ROR1: variants seen among roughly 807,000 people sequenced by gnomAD.
ROR1 encodes inactive tyrosine-protein kinase transmembrane receptor ROR1.
ROR1 carries 19 observed loss-of-function variants against 78.8 expected under a neutral mutation model. The observed-to-expected ratio is 0.24, with a 90% CI of 0.17 to 0.35. The LOEUF is 0.35. ROR1 is among the 10% of genes least tolerant of loss of function. The pLI is 1.00. For synonymous variants in ROR1, 386 were observed against 433.6 expected (o/e 0.89, Z 1.36); for missense variants, 917 against 1,177.8 (o/e 0.78, Z 3.24).
At chr1:63,889,216 A>G (rs151176405) in intron 1 of ROR1, among the ~76,000 whole-genome samples, 20 of 151,896 alleles carry the variant, frequency 1.3e-4, no homozygotes, top group African/African-American at 4.9e-4. Flanking sequence ...AACCTAATTT[A>G]CAGAAGTGAC....
intron 1 of ROR1, among the ~76,000 whole-genome samples, chr1:63,901,989 G>T (rs554033146): frequency 2.0e-4 from 30 of 152,206 alleles, no homozygotes; most frequent in Non-Finnish European, 4.1e-4. Flanking sequence ...GTGGAGAAAG[G>T]TTGAGTATGA....
intron 4 of ROR1, among the ~76,000 whole-genome samples, chr1:64,136,521 A>C (rs1649106956): frequency 6.6e-6 from 1 of 151,764 alleles, no homozygotes; most frequent in African/African-American, 2.4e-5. Context: ...CCCTCGTGGG[A>C]GATGGTAGCC....
At chr1:63,928,459 C>T (rs2100440682) in intron 1 of ROR1, among the ~76,000 whole-genome samples, 1 of 152,274 alleles carries the variant, frequency 6.6e-6, no homozygotes, top group East Asian at 1.9e-4. Context: ...GGCAGAAGTG[C>T]CTCCTATGCA....
chr1:63,849,183 G>A (rs1645099240), intron 1 of ROR1, among the ~76,000 whole-genome samples: 1 of 152,144 alleles, frequency 6.6e-6, no homozygotes, highest in African/African-American at 2.4e-5. Flanking sequence ...GGCTGTCCAT[G>A]GGCCCACGTT....
Position 64,086,486 on chromosome 1 carries a change from A to G in ROR1, c.482+35770A>G, listed in dbSNP as rs1041233742. Among the ~76,000 whole-genome samples, 3 of 152,256 alleles carry G rather than the reference A, an allele frequency of 2.0e-5. No individual in the cohort carries two copies. The East Asian group carries it at 5.8e-4, about 29-fold the overall frequency. On this transcript the variant is annotated intron_variant, in intron 4 of 8. Transcript: ENST00000371079. ...CAATGTTCCTGCCATCACAAGGCCT[A>G]TAGTTTAGGAAGCACTAGTCTAACT...
At chr1:64,025,912 A>G (rs1570077755) in intron 2 of ROR1, among the ~76,000 whole-genome samples, 2 of 152,168 alleles carry the variant, frequency 1.3e-5, no homozygotes, top group African/African-American at 2.4e-5. Context: ...ATTGGGTTCA[A>G]TGTTTACTGC....
chr1:64,142,339 C>A, intron 6 of ROR1, 66 bp from the exon 7 acceptor site: 1 of 1,590,028 alleles, frequency 6.3e-7, no homozygotes, highest in Non-Finnish European at 8.6e-7. Flanking sequence ...AAACTGCTGG[C>A]TAGAGGAGAG....
intron 1 of ROR1, among the ~76,000 whole-genome samples, chr1:63,887,938 C>T (rs1163426149): frequency 6.6e-6 from 1 of 152,070 alleles, no homozygotes; most frequent in Non-Finnish European, 1.5e-5. Context: ...AGATGTGTAC[C>T]ATTTTTTCTA....
At chr1:63,855,369 G>T (rs1028260409) in intron 1 of ROR1, among the ~76,000 whole-genome samples, 1 of 152,132 alleles carries the variant, frequency 6.6e-6, no homozygotes, top group Non-Finnish European at 1.5e-5. Context: ...TTGGAGGCAA[G>T]GGCAATTATT....
chr1:63,928,803 A>T (rs148518976), intron 1 of ROR1, among the ~76,000 whole-genome samples: 2,134 of 152,336 alleles, frequency 0.014, 59 homozygotes, highest in African/African-American at 0.049. Flanking sequence ...CTCTTAGAAC[A>T]GTGCCTGGCA....
chr1:64,034,163 C>A (rs1646682669), intron 2 of ROR1, among the ~76,000 whole-genome samples: 1 of 149,940 alleles, frequency 6.7e-6, no homozygotes, highest in Admixed American at 6.8e-5. Flanking sequence ...CTTTCATGTT[C>A]ATGCACAATT....
intron 4 of ROR1, among the ~76,000 whole-genome samples, chr1:64,114,934 G>C (rs1341442955): frequency 6.6e-6 from 1 of 152,132 alleles, no homozygotes; most frequent in Non-Finnish European, 1.5e-5. Flanking sequence ...TTTTGGTTAA[G>C]TAGAGGTAAA....
intron 1 of ROR1, among the ~76,000 whole-genome samples, chr1:63,782,625 A>C (rs1644659440): frequency 6.8e-6 from 1 of 146,916 alleles, no homozygotes; most frequent in Admixed American, 6.9e-5. Flanking sequence ...GTGTGTGGTG[A>C]GATCAATTTA....
intron 1 of ROR1, among the ~76,000 whole-genome samples, chr1:63,796,574 TCAAA>T (rs1165150730): frequency 6.6e-6 from 1 of 152,228 alleles, no homozygotes; most frequent in Non-Finnish European, 1.5e-5. Context: ...CAAGACTGCA[TCAAA>T]CATTCTACAT....
intron 1 of ROR1, among the ~76,000 whole-genome samples, chr1:63,962,805 C>A (rs1017989563): frequency 2.6e-5 from 4 of 152,156 alleles, no homozygotes; most frequent in African/African-American, 7.2e-5. Context: ...TGGGTTCCAT[C>A]TGGATGTGAT....
At chr1:63,837,859 A>G (rs1432475967) in intron 1 of ROR1, among the ~76,000 whole-genome samples, 1 of 152,314 alleles carries the variant, frequency 6.6e-6, no homozygotes, top group African/African-American at 2.4e-5. Context: ...GTATGAGCTA[A>G]GTTACTCTTC....
intron 4 of ROR1, chr1:64,105,716 T>A (rs1647771913): frequency 6.6e-6 from 1 of 152,166 alleles, no homozygotes; most frequent in Non-Finnish European, 1.5e-5. Context: ...GAATAGGAGA[T>A]CATTTCCCGA....
intron 7 of ROR1, among the ~76,000 whole-genome samples, chr1:64,156,723 A>C (rs1649784075): frequency 6.6e-6 from 1 of 151,866 alleles, no homozygotes. Flanking sequence ...AAAAAAAAAA[A>C]AAAGCAGGGA....
At chr1:64,138,215 C>T (rs10399612) in intron 5 of ROR1, among the ~76,000 whole-genome samples, 24,656 of 152,156 alleles carry the variant, frequency 0.16, 2,222 homozygotes, top group Middle Eastern at 0.22. Context: ...CTCTGTGTCA[C>T]GTATCCTTTG....
Sources: allele counts gnomAD v4.1 joint callset (sites outside exome capture counted in the v4.1 genomes callset), GRCh38; gene constraint gnomAD v4.1.1; transcripts MANE v1.5; gene names NCBI Gene and HGNC (gene_info 2026-07-23, HGNC 2026-07-21).